SPATA2: variants seen among roughly 807,000 people sequenced by gnomAD.
SPATA2 encodes spermatogenesis associated 2.
SPATA2 carries 8 observed loss-of-function variants against 35.4 expected under a neutral mutation model. The ratio of observed to expected loss-of-function variants is 0.23; its 90% CI spans 0.13 to 0.41. The LOEUF (loss-of-function observed/expected upper bound fraction) is 0.41, where lower values mean the gene tolerates loss of function less well. Ranked by LOEUF, SPATA2 falls within the 10% of genes least tolerant of loss-of-function variation. The pLI, the probability that SPATA2 is intolerant of heterozygous loss-of-function variation, is 1.00. For missense variants in SPATA2, 650 were observed against 698.7 expected, an observed-to-expected ratio of 0.93 and a Z score of 0.79; for synonymous variants, 293 against 300.9, an observed-to-expected ratio of 0.97 and a Z score of 0.27.
At position 49,905,490 on chromosome 20, in the gene SPATA2, A is replaced by G. The variant is rs2090134871; in HGVS notation, c.*129T>C. 2 of 1,040,204 alleles carry G rather than the reference A, an allele frequency of 1.9e-6. No homozygotes were observed. The highest frequency in any genetic ancestry group is 1.6e-5 in the African/African-American group (1 of 62,430). The allele number at this position is 1,040,204 out of a possible 1,614,324, so 64.4% of individuals were successfully genotyped here. A position where few individuals can be genotyped will look rare whatever the true frequency, so the allele number is the denominator to read the frequency against. ...ACTCCCACGTGGACACAGCCAGCCC[A>G]CGATCTCTGCCACCTACATGGTCAA... On this transcript the variant is annotated 3_prime_UTR_variant, in exon 3 of 3. Coordinates refer to ENST00000289431, the MANE Select transcript of SPATA2 (RefSeq NM_006038.4).
intron 2 of SPATA2, among the ~76,000 whole-genome samples, 181 bp from the exon 3 acceptor site, chr20:49,907,026 A>G (rs2090150316): frequency 6.6e-6 from 1 of 152,184 alleles, no homozygotes; most frequent in African/African-American, 2.4e-5. Context: ...GGGGCTTGCT[A>G]AGCACTCAGG....
At chr20:49,910,649 A>G (rs2090177731) in intron 1 of SPATA2, among the ~76,000 whole-genome samples, 1 of 152,152 alleles carries the variant, frequency 6.6e-6, no homozygotes, top group South Asian at 2.1e-4. Flanking sequence ...GGACTCCTTT[A>G]GCAGACCTGT....
chr20:49,911,032 T>A (rs1251964927), intron 1 of SPATA2, among the ~76,000 whole-genome samples: 4 of 146,920 alleles, frequency 2.7e-5, no homozygotes, highest in African/African-American at 1.0e-4. Flanking sequence ...CTGGGCAACA[T>A]AGCAATACCC....
rs1568904525 is a variant in SPATA2 at position 49,903,936 on chromosome 20, TATATATA to T, written c.*1676_*1682del. 125 of 57,578 alleles carry T rather than the reference TATATATA, an allele frequency of 2.2e-3. 3 individuals are homozygous for T. The highest frequency in any genetic ancestry group is 6.1e-3 in the African/African-American group (120 of 19,592). The allele number at this position is 57,578 out of a possible 1,614,324, so 3.6% of individuals were successfully genotyped here. A position where few individuals can be genotyped will look rare whatever the true frequency, so the allele number is the denominator to read the frequency against. On this transcript the variant is annotated 3_prime_UTR_variant, in exon 3 of 3. Coordinates refer to ENST00000289431, the MANE Select transcript of SPATA2 (RefSeq NM_006038.4). The stretch of plus-strand genomic sequence containing the variant: ...ATATATATATATATATATATATATA[TATATATA>T]TATATATATTAAAAAGAGAGCCATA...
rs3092212 is a variant in SPATA2 at position 49,912,939 on chromosome 20, CAA to C, written c.-103+2439_-103+2440del. On this transcript the variant is annotated intron_variant, in intron 1 of 2. Coordinates refer to ENST00000289431, the MANE Select transcript of SPATA2 (RefSeq NM_006038.4). Reference sequence around the variant, plus strand: ...ACAACATAGTTAGACTCCGTCTCTACAAAAAAAAAAAAAAAAAAAATTAGGTG... The same window carrying C: ...ACAACATAGTTAGACTCCGTCTCTACAAAAAAAAAAAAAAAAAATTAGGTG... Among the ~76,000 whole-genome samples, 2,929 of 98,630 alleles carry C rather than the reference CAA, an allele frequency of 0.03. 245 individuals carry two copies. The East Asian group carries it at 0.34, about 12-fold the overall frequency. The allele number at this position is 98,630 out of a possible 152,430, so 64.7% of individuals were successfully genotyped here.
chr20:49,912,824 TA>T (rs984096400), intron 1 of SPATA2, among the ~76,000 whole-genome samples: 1 of 148,392 alleles, frequency 6.7e-6, no homozygotes, highest in African/African-American at 2.5e-5. Flanking sequence ...GAAGCCTATC[TA>T]AAACAAATCT....
intron 1 of SPATA2, among the ~76,000 whole-genome samples, chr20:49,914,945 T>C (rs1236612546): frequency 6.6e-6 from 1 of 152,202 alleles, no homozygotes; most frequent in African/African-American, 2.4e-5. Flanking sequence ...ACTCCAGCCC[T>C]AGCAACCAGG....
chr20:49,906,713 G>C lies in SPATA2; in HGVS notation c.469C>G (p.Leu157Val). 1 of 1,614,262 alleles carries C rather than the reference G, an allele frequency of 6.2e-7. No individual in the cohort carries two copies. Among genetic ancestry groups the C allele is most frequent in the Non-Finnish European group, 8.5e-7 (1 of 1,180,046 alleles). ...TCAAAGGAGACCATCTTCACCTGGA[G>C]GGTCTCCACGAGCTCTCTGAGCTTG... ...AYKLRELVET[L>V]QVKMVSFELF... Residue 157 changes from leucine to valine, a missense_variant, in exon 3 of 3, where the codon CTC becomes GTC. Coordinates refer to ENST00000289431, the MANE Select transcript of SPATA2 (RefSeq NM_006038.4). This position sits in a 1 kb window ranked among gnomAD's most constrained non-coding sequence, Gnocchi z 8.2.
Position 49,908,149 on chromosome 20 carries a change from C to T in SPATA2, c.336+6G>A. The T allele has an allele frequency of 1.3e-6, 2 of 1,598,760 alleles. No individual in the cohort carries two copies. Among genetic ancestry groups the T allele is most frequent in the Non-Finnish European group, 1.7e-6 (2 of 1,171,792 alleles). ...GGCCTGTATGGAGGCTGCTCCAGGA[C>T]CTCACCTTGATGCTTCTGAATTCCT... is the stretch of plus-strand genomic sequence containing the variant. On this transcript the variant is annotated splice_donor_region_variant and intron_variant, in intron 2 of 2. Coordinates refer to ENST00000289431, the MANE Select transcript of SPATA2 (RefSeq NM_006038.4).
chr20:49,907,675 T>C (rs1283460113), intron 2 of SPATA2, among the ~76,000 whole-genome samples: 1 of 151,926 alleles, frequency 6.6e-6, no homozygotes, highest in African/African-American at 2.4e-5. Context: ...CGTGGTCTGA[T>C]TCAGGATCCC....
Position 49,906,603 on chromosome 20 carries a change from A to T in SPATA2, c.579T>A (p.Ile193=), listed in dbSNP as rs536485095. The change falls in exon 3 of 3, where the codon ATT becomes ATA. Residue 193 remains isoleucine, a synonymous_variant. Coordinates refer to ENST00000289431, the MANE Select transcript of SPATA2 (RefSeq NM_006038.4). This position sits in a 1 kb window ranked among gnomAD's most constrained non-coding sequence, Gnocchi z 8.2. ...CTGCACTGCTCTTGCGCTCGCTCAC[A>T]ATGTCCAGCTCGGAGTAGCCCTTGT... ...VKDKGYSELD[I]VSERKSSAED... 17 of 1,614,210 alleles carry T rather than the reference A, an allele frequency of 1.1e-5. No individual in the cohort carries two copies. In the South Asian group the frequency reaches 1.8e-4, roughly 17 times the overall value.
rs917058263 is a variant in SPATA2, at chr20:49,904,171, G to C, written c.*1448C>G. ...AAATATAGTTAGTTCACAAGGAAGC[G>C]GCTTTATTTTCAAACTCTTGCCCCA... On this transcript the variant is annotated 3_prime_UTR_variant, in exon 3 of 3. Transcript: ENST00000289431. The C allele has an allele frequency of 6.6e-6, 1 of 152,238 alleles. No individual in the cohort carries two copies. The highest frequency in any genetic ancestry group is 1.5e-5 in the Non-Finnish European group (1 of 67,972). The allele number at this position is 152,238 out of a possible 1,614,324, so 9.4% of individuals were successfully genotyped here.
rs200697600 is a variant in SPATA2, at chr20:49,906,118, G to A, written c.1064C>T (p.Pro355Leu). ...ATYRRQDALR[P>L]DVWLLRNDAH... The stretch of plus-strand genomic sequence containing the variant: ...ATCGTTTCTGAGCAGCCACACATCC[G>A]GCCGCAGAGCATCCTGCCGACGGTA... The change falls in exon 3 of 3, where the codon CCG becomes CTG. Residue 355 changes from proline to leucine, a missense_variant. Transcript: ENST00000289431. The surrounding 1 kb of genome is among the most constrained non-coding windows in gnomAD (Gnocchi z 8.2). The A allele has an allele frequency of 3.9e-4, 621 of 1,612,252 alleles. 1 individual carries two copies. Among genetic ancestry groups the A allele is most frequent in the Non-Finnish European group, 4.8e-4 (567 of 1,179,502 alleles).
Position 49,908,555 on chromosome 20 carries a change from A to C in SPATA2, c.-65T>G. 2.2e-6 allele frequency: 3 copies of C among 1,347,958 alleles called. No homozygotes were observed. The highest frequency in any genetic ancestry group is 2.0e-6 in the Non-Finnish European group (2 of 976,310). 83.5% of individuals were successfully genotyped at this position (1,347,958 alleles called of 1,614,324 possible). On this transcript the variant is annotated 5_prime_UTR_variant, in exon 2 of 3. Coordinates refer to ENST00000289431, the MANE Select transcript of SPATA2 (RefSeq NM_006038.4). The stretch of plus-strand genomic sequence containing the variant: ...GGATTAGAGGCAGGGACATCACTAA[A>C]AGCATGGACATGTTGCCGCCTGGAC...
At chr20:49,909,558 T>A (rs575599155) in intron 1 of SPATA2, among the ~76,000 whole-genome samples, 151 of 151,722 alleles carry the variant, frequency 1.0e-3, no homozygotes, top group East Asian at 5.9e-3. Context: ...TACAAAAAAA[T>A]TTTTAAGAAA....
chr20:49,914,332 C>T (rs2090197508), intron 1 of SPATA2, among the ~76,000 whole-genome samples: 1 of 152,046 alleles, frequency 6.6e-6, no homozygotes, highest in Admixed American at 6.6e-5. Flanking sequence ...CTCAGCTGGC[C>T]CATTCAAGCA....
intron 1 of SPATA2, among the ~76,000 whole-genome samples, chr20:49,910,518 G>A (rs540980809): frequency 2.6e-5 from 4 of 152,276 alleles, no homozygotes; most frequent in African/African-American, 9.6e-5. Context: ...CAGAAGCTCC[G>A]TGGGTGCAGG....
chr20:49,914,844 C>T (rs2090200662), intron 1 of SPATA2, among the ~76,000 whole-genome samples: 1 of 152,228 alleles, frequency 6.6e-6, no homozygotes, highest in South Asian at 2.1e-4. Context: ...GCCCCCCCTA[C>T]GGCTTCGTGA....
intron 1 of SPATA2, among the ~76,000 whole-genome samples, chr20:49,912,179 C>T (rs765138285): frequency 2.6e-5 from 4 of 152,190 alleles, no homozygotes; most frequent in South Asian, 4.1e-4. Flanking sequence ...GCAGGCCAGG[C>T]GCGGTGGCTC....
Sources: gnomAD v4.1 joint callset for allele counts (sites outside exome capture counted in the v4.1 genomes callset) on GRCh38, gnomAD v4.1.1 for gene constraint, Gnocchi (gnomAD v3.1) non-coding constraint, MANE v1.5 for transcripts, NCBI Gene and HGNC (gene_info 2026-07-23, HGNC 2026-07-21) for gene names.